The following HS3ST3A1 variants were observed in gnomAD, a reference collection of about 807,000 sequenced individuals.
The protein encoded by HS3ST3A1 is heparan sulfate-glucosamine 3-sulfotransferase 3A1, also known as heparan sulfate glucosamine 3-O-sulfotransferase 3A1.
HS3ST3A1 carries 19 observed loss-of-function variants against 25.7 expected under a neutral mutation model. That is an observed-to-expected ratio of 0.74 (90% CI 0.52 to 1.08). HS3ST3A1 has a LOEUF of 1.08. Ranked by LOEUF, HS3ST3A1 falls within the 50% of genes least tolerant of loss-of-function variation. The probability of loss-of-function intolerance (pLI) is 0.00; values close to 1 mark genes in which losing one functional copy is unlikely to be tolerated. For missense variants in HS3ST3A1, 459 were observed against 594.3 expected, an observed-to-expected ratio of 0.77 and a Z score of 2.37; for synonymous variants, 226 against 278.6, an observed-to-expected ratio of 0.81 and a Z score of 1.88.
At chr17:13,536,560 A>G (rs1297282871) in intron 1 of HS3ST3A1, among the ~76,000 whole-genome samples, 3 of 152,232 alleles carry the variant, frequency 2.0e-5, no homozygotes, top group Non-Finnish European at 4.4e-5. Context: ...TCCATAATAC[A>G]GAGAAGATCC....
At position 13,503,991 on chromosome 17, in the gene HS3ST3A1, C is replaced by T. The variant is rs1043537880; in HGVS notation, c.600-7173G>A. 3.3e-5 allele frequency among the ~76,000 whole-genome samples: 5 copies of T among 152,318 alleles called. No homozygotes were observed. In the East Asian group the frequency reaches 9.6e-4, roughly 29 times the overall value. On this transcript the variant is annotated intron_variant, in intron 1 of 1. Transcript: ENST00000284110. ...GACGCACGTAGACACATACTGAGAT[C>T]TTAAACAGCACACAGAATGAATGAC...
chr17:13,525,399 AT>A (rs59819994), intron 1 of HS3ST3A1, among the ~76,000 whole-genome samples: 49,416 of 150,406 alleles, frequency 0.33, 8,996 homozygotes, highest in African/African-American at 0.5. Context: ...TGCCAGCATT[AT>A]TTTTTTTTTC....
intron 1 of HS3ST3A1, among the ~76,000 whole-genome samples, chr17:13,553,128 G>T (rs1425429845): frequency 2.0e-5 from 3 of 152,092 alleles, no homozygotes; most frequent in Non-Finnish European, 2.9e-5. Flanking sequence ...TTGGCTAAAG[G>T]GTGCAAACAA....
At chr17:13,550,406 TG>T (rs1907207623) in intron 1 of HS3ST3A1, among the ~76,000 whole-genome samples, 1 of 152,096 alleles carries the variant, frequency 6.6e-6, no homozygotes, top group Non-Finnish European at 1.5e-5. Flanking sequence ...CTTCTTAGTC[TG>T]GTCTTTGGAA....
intron 1 of HS3ST3A1, among the ~76,000 whole-genome samples, chr17:13,499,059 C>A (rs932321677): frequency 3.3e-5 from 5 of 151,574 alleles, no homozygotes; most frequent in Non-Finnish European, 7.4e-5. Flanking sequence ...TAAATGTGAA[C>A]TTCCTTTTTC....
chr17:13,566,631 C>T (rs1220083085), intron 1 of HS3ST3A1, among the ~76,000 whole-genome samples: 6 of 152,274 alleles, frequency 3.9e-5, no homozygotes, highest in Middle Eastern at 3.4e-3. Flanking sequence ...AGGAAACAAA[C>T]GTGCTACTCC....
intron 1 of HS3ST3A1, among the ~76,000 whole-genome samples, chr17:13,523,379 T>A (rs1906309739): frequency 6.6e-6 from 1 of 152,126 alleles, no homozygotes; most frequent in African/African-American, 2.4e-5. Flanking sequence ...AAAGCCTGGA[T>A]ATTTGAGAGC....
intron 1 of HS3ST3A1, among the ~76,000 whole-genome samples, chr17:13,574,077 C>A (rs575860318): frequency 6.6e-6 from 1 of 151,764 alleles, no homozygotes; most frequent in Non-Finnish European, 1.5e-5. Context: ...GTTCTCACCC[C>A]AGTACTCTCT....
intron 1 of HS3ST3A1, among the ~76,000 whole-genome samples, chr17:13,560,283 C>A (rs964263005): frequency 1.1e-4 from 3 of 26,474 alleles, no homozygotes; most frequent in Non-Finnish European, 1.5e-4. Context: ...GAGGGACACT[C>A]GTCTCCAAAA....
intron 1 of HS3ST3A1, among the ~76,000 whole-genome samples, chr17:13,570,898 A>G (rs549217821): frequency 6.6e-6 from 1 of 152,354 alleles, no homozygotes; most frequent in Admixed American, 6.5e-5. Flanking sequence ...CCCTTTCACT[A>G]AAGCAAAGTA....
intron 1 of HS3ST3A1, among the ~76,000 whole-genome samples, chr17:13,526,826 G>A (rs1306870909): frequency 6.6e-6 from 1 of 151,046 alleles, no homozygotes; most frequent in Non-Finnish European, 1.5e-5. Flanking sequence ...ATTTTTTTTT[G>A]TATTTTTAGT....
At chr17:13,591,051 T>TC (rs898436840) in intron 1 of HS3ST3A1, among the ~76,000 whole-genome samples, 2 of 148,650 alleles carry the variant, frequency 1.3e-5, no homozygotes, top group African/African-American at 4.9e-5. Context: ...TTCTTTTCTT[T>TC]TTTTTTTTTT....
At chr17:13,579,299 T>C (rs554824117) in intron 1 of HS3ST3A1, among the ~76,000 whole-genome samples, 29 of 152,286 alleles carry the variant, frequency 1.9e-4, no homozygotes, top group African/African-American at 7.0e-4. Flanking sequence ...TCTTACTCAA[T>C]ATTAGAAATA....
intron 1 of HS3ST3A1, among the ~76,000 whole-genome samples, chr17:13,591,259 C>T (rs1412666129): frequency 6.6e-6 from 1 of 151,898 alleles, no homozygotes; most frequent in Non-Finnish European, 1.5e-5. Context: ...GTTGCCCAGG[C>T]TGGTCTCGAA....
chr17:13,549,311 A>C (rs1273273815), intron 1 of HS3ST3A1, among the ~76,000 whole-genome samples: 1 of 152,222 alleles, frequency 6.6e-6, no homozygotes, highest in East Asian at 1.9e-4. Flanking sequence ...ATCCGAAGGA[A>C]CAAACTCTGG....
chr17:13,551,583 G>A (rs1907246257), intron 1 of HS3ST3A1, among the ~76,000 whole-genome samples: 1 of 133,622 alleles, frequency 7.5e-6, no homozygotes. Context: ...GGCTCTAAAC[G>A]ATTTTCCCTG....
chr17:13,496,959 A>G, intron 1 of HS3ST3A1, 141 bp from the exon 2 acceptor site: 1 of 1,137,692 alleles, frequency 8.8e-7, no homozygotes. Flanking sequence ...GTGACGTCGC[A>G]CAACGAGCCC....
At chr17:13,528,300 G>A (rs1906500822) in intron 1 of HS3ST3A1, among the ~76,000 whole-genome samples, 1 of 152,234 alleles carries the variant, frequency 6.6e-6, no homozygotes, top group Non-Finnish European at 1.5e-5. Flanking sequence ...ACAGAGATGT[G>A]CTACTCAGAT....
intron 1 of HS3ST3A1, among the ~76,000 whole-genome samples, chr17:13,498,980 A>G (rs144504305): frequency 7.0e-4 from 103 of 146,984 alleles, no homozygotes; most frequent in Non-Finnish European, 1.2e-3. Flanking sequence ...TATTTTTGTC[A>G]TTTCAGTCAG....
Sources: gnomAD v4.1 joint callset for allele counts (sites outside exome capture counted in the v4.1 genomes callset) on GRCh38, gnomAD v4.1.1 for gene constraint, MANE v1.5 for transcripts, NCBI Gene and HGNC (gene_info 2026-07-23, HGNC 2026-07-21) for gene names.